The following APOBEC1 variants were observed in gnomAD, a reference collection of about 807,000 sequenced individuals.
APOBEC1 encodes apolipoprotein B mRNA editing enzyme catalytic subunit 1.
Under a neutral mutation model 26.3 loss-of-function variants are expected in APOBEC1, and 22 were observed. The observed-to-expected ratio is 0.84, with a 90% CI of 0.60 to 1.19. The LOEUF is 1.19. APOBEC1 is among the 50% of genes most tolerant of loss of function. The probability of loss-of-function intolerance (pLI) is 0.00; values close to 1 mark genes in which losing one functional copy is unlikely to be tolerated. For missense variants in APOBEC1, 253 were observed against 289.0 expected (o/e 0.88, Z 0.90); for synonymous variants, 77 against 95.3 (o/e 0.81, Z 1.12).
At chr12:7,650,931 A>C (rs746706745) in intron 4 of APOBEC1, 92 bp downstream of exon 4, 42 of 898,410 alleles carry the variant, frequency 4.7e-5, no homozygotes, top group Non-Finnish European at 7.3e-5. Flanking sequence ...ATAAATGTCA[A>C]AAAGAAGATA....
intron 1 of APOBEC1, among the ~76,000 whole-genome samples, chr12:7,664,218 A>C (rs1297893053): frequency 6.6e-6 from 1 of 152,114 alleles, no homozygotes; most frequent in Non-Finnish European, 1.5e-5. Flanking sequence ...TTCAACTCCA[A>C]ACTGATATCT....
rs575271737 is a variant in APOBEC1, at chr12:7,658,243, T to C, written c.17-3611A>G. On this transcript the variant is annotated intron_variant, in intron 1 of 4. Coordinates refer to ENST00000229304, the MANE Select transcript of APOBEC1 (RefSeq NM_001644.5). ...CACACCCGGCTAACTTTTGTATTTT[T>C]AGTAGAGACGGGGTTTCACCATCTT... Among the ~76,000 whole-genome samples, 58 of 152,252 alleles carry C rather than the reference T, an allele frequency of 3.8e-4. No individual in the cohort carries two copies. The South Asian group carries it at 8.7e-3, about 23-fold the overall frequency.
At chr12:7,667,742 C>G (rs941754565), upstream of APOBEC1, among the ~76,000 whole-genome samples, 1 of 151,890 alleles carries the variant, frequency 6.6e-6, no homozygotes, top group Non-Finnish European at 1.5e-5. Context: ...TGGCAAAACC[C>G]AGTCTCCTAA....
chr12:7,653,216 C>T (rs990102605), intron 2 of APOBEC1, among the ~76,000 whole-genome samples: 5 of 152,330 alleles, frequency 3.3e-5, no homozygotes, highest in Non-Finnish European at 5.9e-5. Context: ...AGGCGTGAGC[C>T]ACCACGCCCA....
upstream of APOBEC1, among the ~76,000 whole-genome samples, chr12:7,669,933 CTTT>C (rs1410807242): frequency 2.0e-5 from 3 of 151,760 alleles, no homozygotes; most frequent in Non-Finnish European, 4.4e-5. Flanking sequence ...ATTTATATAT[CTTT>C]TTTCTGAAAC....
chr12:7,655,541 A>T (rs1863702266), intron 1 of APOBEC1, among the ~76,000 whole-genome samples: 1 of 152,030 alleles, frequency 6.6e-6, no homozygotes, highest in South Asian at 2.1e-4. Flanking sequence ...AAGAAATGGA[A>T]ATACAGGAAA....
upstream of APOBEC1, among the ~76,000 whole-genome samples, chr12:7,667,219 C>CT (rs1002337347): frequency 2.0e-5 from 3 of 152,098 alleles, no homozygotes; most frequent in African/African-American, 4.8e-5. Context: ...GCCACTTCTG[C>CT]TTTTTTATCC....
At chr12:7,667,320 T>A (rs1482293399), upstream of APOBEC1, among the ~76,000 whole-genome samples, 1 of 152,088 alleles carries the variant, frequency 6.6e-6, no homozygotes, top group African/African-American at 2.4e-5. Context: ...TTCCTCTGAG[T>A]CTCAGCACTT....
chr12:7,666,764 C>T (rs902309769), upstream of APOBEC1, among the ~76,000 whole-genome samples: 2 of 152,098 alleles, frequency 1.3e-5, no homozygotes, highest in African/African-American at 4.8e-5. Flanking sequence ...GCTCTCTGTC[C>T]TACATCCGTG....
intron 2 of APOBEC1, among the ~76,000 whole-genome samples, chr12:7,653,461 T>G (rs1863674488): frequency 6.6e-6 from 1 of 151,520 alleles, no homozygotes; most frequent in Non-Finnish European, 1.5e-5. Context: ...TGTTTCTCTT[T>G]TAAATTTTCC....
chr12:7,660,941 C>T (rs1042810961), intron 1 of APOBEC1, among the ~76,000 whole-genome samples: 8 of 151,446 alleles, frequency 5.3e-5, no homozygotes, highest in African/African-American at 1.9e-4. Context: ...CACCTCTAAT[C>T]CCAGCACTTT....
chr12:7,652,486 T>C lies in APOBEC1; in HGVS notation c.394A>G (p.Arg132Gly), dbSNP rs573195733. The change falls in exon 3 of 5, where the codon AGG (arginine) becomes GGG (glycine). Residue 132 changes from arginine (R) to glycine (G), a missense_variant. Arg to Gly is a moderately radical substitution (Grantham distance 125). Transcript: ENST00000229304. The stretch of plus-strand genomic sequence containing the variant: ...GTTACTCCACTGTTAACAAGGTCCC[T>C]GAGACCTTGCCGATTTTGTTGATCC... ...HMDQQNRQGL[R>G]DLVNSGVTIQ... 1 of 1,613,982 alleles carries C rather than the reference T, an allele frequency of 6.2e-7. No homozygotes were observed. Among genetic ancestry groups the C allele is most frequent in the Non-Finnish European group, 8.5e-7 (1 of 1,179,880 alleles).
intron 4 of APOBEC1, among the ~76,000 whole-genome samples, chr12:7,649,999 T>G (rs1262424515): frequency 6.6e-6 from 1 of 152,020 alleles, no homozygotes; most frequent in Non-Finnish European, 1.5e-5. Flanking sequence ...TGTGTTTTTG[T>G]TGAGATGTGG....
rs778310856 is a variant in APOBEC1, at chr12:7,651,003, G to A, written c.561+20C>T. 9.8e-6 allele frequency: 15 copies of A among 1,529,904 alleles called. No homozygotes were observed. The highest frequency in any genetic ancestry group is 1.3e-5 in the Non-Finnish European group (14 of 1,111,314). 94.8% of individuals were successfully genotyped at this position (1,529,904 alleles called of 1,614,324 possible). The stretch of plus-strand genomic sequence containing the variant: ...GATGCTTCTTTTTGCATCAACATTT[G>A]TGTCCCTAAAGTGACTTACTAGAAT... On this transcript the variant is annotated intron_variant, in intron 4 of 4. Transcript: ENST00000229304.
chr12:7,662,649 C>T (rs775597043), intron 1 of APOBEC1, among the ~76,000 whole-genome samples: 2 of 152,154 alleles, frequency 1.3e-5, no homozygotes, highest in Admixed American at 6.5e-5. Flanking sequence ...ACCATATCGA[C>T]CATATCAGAG....
chr12:7,652,394 C>T (rs1863655383), intron 3 of APOBEC1, 44 bp downstream of exon 3: 3 of 1,542,356 alleles, frequency 1.9e-6, no homozygotes, highest in African/African-American at 2.7e-5. Context: ...ACTATCACCA[C>T]AGTCTGTTGT....
chr12:7,666,428 G>T (rs1233622862), upstream of APOBEC1, among the ~76,000 whole-genome samples: 1 of 151,722 alleles, frequency 6.6e-6, no homozygotes, highest in Non-Finnish European at 1.5e-5. Context: ...CGAGTAGCTG[G>T]GATTACAGGC....
chr12:7,667,521 C>A (rs1863908868), upstream of APOBEC1, among the ~76,000 whole-genome samples: 1 of 152,112 alleles, frequency 6.6e-6, no homozygotes, highest in Admixed American at 6.6e-5. Flanking sequence ...CAGGGGCAGA[C>A]CAGTGTTTTG....
intron 1 of APOBEC1, among the ~76,000 whole-genome samples, chr12:7,664,759 T>A (rs1009747403): frequency 1.3e-5 from 2 of 150,620 alleles, no homozygotes; most frequent in Non-Finnish European, 3.0e-5. Context: ...TACAAAAAAA[T>A]TAGCAGGGCT....
Sources: allele counts gnomAD v4.1 joint callset (sites outside exome capture counted in the v4.1 genomes callset), GRCh38; gene constraint gnomAD v4.1.1; transcripts MANE v1.5; gene names NCBI Gene and HGNC (gene_info 2026-07-23, HGNC 2026-07-21).